SNTB1: variants seen among roughly 807,000 people sequenced by gnomAD.
The protein encoded by SNTB1 is beta-1-syntrophin.
In SNTB1, 36 loss-of-function variants were observed where a neutral mutation model predicts 48.9. The ratio of observed to expected loss-of-function variants is 0.74; its 90% confidence interval spans 0.56 to 0.97. The LOEUF is 0.97. SNTB1 is among the 50% of genes least tolerant of loss of function. The pLI, the probability that SNTB1 is intolerant of heterozygous loss-of-function variation, is 0.00. For missense variants in SNTB1, 786 were observed against 703.4 expected, an observed-to-expected ratio of 1.12 and a Z score of -1.33; for synonymous variants, 299 against 294.6, an observed-to-expected ratio of 1.01 and a Z score of -0.15.
rs1291114989 is a variant in SNTB1, at chr8:120,681,550, G to A, written c.788+12142C>T. ...GAAAAGAGGGCCCTAAATGAAGTCT[G>A]TATGCTGAGTGTTGGGACTCTCAGA... is the stretch of plus-strand genomic sequence containing the variant. On this transcript the variant is annotated intron_variant, in intron 2 of 6. Coordinates refer to ENST00000517992, the MANE Select transcript of SNTB1 (RefSeq NM_021021.4). 3.3e-5 allele frequency among the ~76,000 whole-genome samples: 5 copies of A among 152,254 alleles called. No homozygotes were observed. The East Asian group carries it at 9.6e-4, about 29-fold the overall frequency.
chr8:120,617,388 T>C (rs1816731745), intron 3 of SNTB1, among the ~76,000 whole-genome samples: 1 of 152,234 alleles, frequency 6.6e-6, no homozygotes, highest in African/African-American at 2.4e-5. Context: ...CACTTCTAAA[T>C]CCACTTTGGT....
Position 120,549,016 on chromosome 8 carries a change from T to C in SNTB1, c.1137-58A>G, listed in dbSNP as rs115233960. Reference sequence around the variant, plus strand: ...TGGAGACTAGTTTATTCACCTGGCATATCACCTTGTATAAGACCCAAATTG... The same window carrying C: ...TGGAGACTAGTTTATTCACCTGGCACATCACCTTGTATAAGACCCAAATTG... On this transcript the variant is annotated intron_variant, in intron 4 of 6. Transcript: ENST00000517992. 3,352 of 1,397,944 alleles carry C rather than the reference T, an allele frequency of 2.4e-3. 68 individuals carry two copies. The African/African-American group carries it at 0.044, about 18-fold the overall frequency. The allele number at this position is 1,397,944 out of a possible 1,614,324, so 86.6% of individuals were successfully genotyped here.
At chr8:120,647,327 A>G (rs1279148439) in intron 2 of SNTB1, among the ~76,000 whole-genome samples, 2 of 146,252 alleles carry the variant, frequency 1.4e-5, no homozygotes, top group African/African-American at 5.1e-5. Flanking sequence ...CCCTCTACAC[A>G]CTGCTTTGAA....
At chr8:120,802,785 A>G (rs1400593246) in intron 1 of SNTB1, among the ~76,000 whole-genome samples, 2 of 152,138 alleles carry the variant, frequency 1.3e-5, no homozygotes, top group Non-Finnish European at 2.9e-5. Flanking sequence ...AGGACTTACC[A>G]AATTCCGGGC....
intron 1 of SNTB1, among the ~76,000 whole-genome samples, chr8:120,747,866 C>T (rs1819153583): frequency 1.3e-5 from 2 of 152,254 alleles, no homozygotes; most frequent in Non-Finnish European, 1.5e-5. Context: ...AACCCATACA[C>T]ACATATGTAT....
At chr8:120,736,894 C>T (rs1818952594) in intron 1 of SNTB1, among the ~76,000 whole-genome samples, 1 of 152,154 alleles carries the variant, frequency 6.6e-6, no homozygotes, top group Non-Finnish European at 1.5e-5. Context: ...TGTGTCTTAG[C>T]CCATCAGTGT....
chr8:120,718,890 C>T (rs139439013), intron 1 of SNTB1, among the ~76,000 whole-genome samples: 120 of 152,284 alleles, frequency 7.9e-4, no homozygotes, highest in African/African-American at 2.6e-3. Flanking sequence ...AGGAAAGATG[C>T]TGTCTCTTGG....
In SNTB1 at chr8:120,610,359, A is replaced by T. The variant is rs1178365814; in HGVS notation, c.996+22085T>A. On this transcript the variant is annotated intron_variant, in intron 3 of 6. Transcript: ENST00000517992. ...ACCACGTTGGCCAGTCTGGTCTCGA[A>T]CTCCTGACCTCAGATCCTCCCGCCT... Among the ~76,000 whole-genome samples, 8 of 151,774 alleles carry T rather than the reference A, an allele frequency of 5.3e-5. No homozygotes were observed. In the East Asian group the frequency reaches 1.6e-3, roughly 30 times the overall value.
intron 3 of SNTB1, among the ~76,000 whole-genome samples, chr8:120,608,354 A>G (rs928910403): frequency 3.9e-5 from 6 of 152,250 alleles, no homozygotes; most frequent in Non-Finnish European, 8.8e-5. Context: ...CCAGTTTCTC[A>G]GATGTGACTG....
chr8:120,592,197 CAA>C lies in SNTB1; in HGVS notation c.997-16974_997-16973del, dbSNP rs1412009485. 8.2e-4 allele frequency among the ~76,000 whole-genome samples: 123 copies of C among 150,462 alleles called. 1 individual carries two copies. The highest frequency in any genetic ancestry group is 2.7e-3 in the African/African-American group (112 of 40,966). On this transcript the variant is annotated intron_variant, in intron 3 of 6. Transcript: ENST00000517992. ...CTAATAAGCAGAATTTTTTTTTTTC[CAA>C]GAGAGAGGGCCTAGCTCTGTCACCC...
intron 3 of SNTB1, among the ~76,000 whole-genome samples, chr8:120,576,621 AT>A (rs1815954850): frequency 6.6e-6 from 1 of 152,166 alleles, no homozygotes; most frequent in South Asian, 2.1e-4. Context: ...ACTGATAAGG[AT>A]AATATCATAT....
At chr8:120,783,988 G>T (rs4871132) in intron 1 of SNTB1, among the ~76,000 whole-genome samples, 74,382 of 151,780 alleles carry the variant, frequency 0.49, 21,168 homozygotes, top group African/African-American at 0.79. Context: ...CTCCAGTTTT[G>T]TTTTGTTTTG....
intron 1 of SNTB1, among the ~76,000 whole-genome samples, chr8:120,745,349 C>T (rs1819109567): frequency 6.6e-6 from 1 of 152,104 alleles, no homozygotes; most frequent in Non-Finnish European, 1.5e-5. Context: ...CACACCTCTA[C>T]TCCAGCATTC....
intron 1 of SNTB1, 52 bp downstream of exon 1, chr8:120,811,221 C>A: frequency 6.5e-7 from 1 of 1,527,502 alleles, no homozygotes; most frequent in Non-Finnish European, 8.7e-7. Context: ...GGGTGGGAAG[C>A]CGAGCAGGTG....
chr8:120,676,614 T>G (rs1817839276), intron 2 of SNTB1, among the ~76,000 whole-genome samples: 1 of 152,224 alleles, frequency 6.6e-6, no homozygotes, highest in Non-Finnish European at 1.5e-5. Context: ...GTTAGTTTTC[T>G]CTTCCACAGC....
At chr8:120,593,744 G>GA (rs1377603197) in intron 3 of SNTB1, among the ~76,000 whole-genome samples, 1 of 152,202 alleles carries the variant, frequency 6.6e-6, no homozygotes, top group Non-Finnish European at 1.5e-5. Flanking sequence ...ATTGTTTGGG[G>GA]AGATGGCACA....
At chr8:120,656,970 C>T (rs1023126978) in intron 2 of SNTB1, among the ~76,000 whole-genome samples, 1 of 152,016 alleles carries the variant, frequency 6.6e-6, no homozygotes, top group Non-Finnish European at 1.5e-5. Flanking sequence ...AGGTTTTGAG[C>T]TTAGACAACT....
intron 2 of SNTB1, among the ~76,000 whole-genome samples, chr8:120,651,961 A>G (rs1222399350): frequency 6.6e-6 from 1 of 152,252 alleles, no homozygotes; most frequent in Non-Finnish European, 1.5e-5. Flanking sequence ...GGAGGGGTAT[A>G]GAGATGAGTT....
chr8:120,808,962 C>T (rs1820384321), intron 1 of SNTB1, among the ~76,000 whole-genome samples: 1 of 152,108 alleles, frequency 6.6e-6, no homozygotes, highest in African/African-American at 2.4e-5. Context: ...TTTGCCCTGC[C>T]ATACAACCAG....
Sources: allele counts gnomAD v4.1 joint callset (sites outside exome capture counted in the v4.1 genomes callset), GRCh38; gene constraint gnomAD v4.1.1; transcripts MANE v1.5; gene names NCBI Gene and HGNC (gene_info 2026-07-23, HGNC 2026-07-21).